SLC25A13: variants seen among roughly 807,000 people sequenced by gnomAD.
The protein encoded by SLC25A13 is electrogenic aspartate/glutamate antiporter SLC25A13, mitochondrial.
In SLC25A13, 70 loss-of-function variants were observed where a neutral mutation model predicts 85.5. The ratio of observed to expected loss-of-function variants is 0.82; its 90% confidence interval spans 0.68 to 1.00. SLC25A13 has a LOEUF of 1.00. Among genes scored for constraint, SLC25A13 ranks in the 50% least tolerant of loss-of-function variants. SLC25A13 has a pLI of 0.00. For missense variants in SLC25A13, 765 were observed against 819.8 expected, an observed-to-expected ratio of 0.93 and a Z score of 0.82; for synonymous variants, 259 against 288.7, an observed-to-expected ratio of 0.90 and a Z score of 1.04.
At chr7:96,220,919 A>G (rs1254341640) in intron 4 of SLC25A13, among the ~76,000 whole-genome samples, 1 of 152,166 alleles carries the variant, frequency 6.6e-6, no homozygotes. Context: ...GTGGCTTCAC[A>G]TGGTTATTTT....
chr7:96,131,745 G>C lies in SLC25A13; in HGVS notation c.1589C>G (p.Ala530Gly). Residue 530 changes from alanine to glycine, a missense_variant and splice_region_variant, in exon 15 of 18, where the codon GCT (alanine) becomes GGT (glycine). Transcript: ENST00000265631. Reference protein sequence around the residue: ...PGSLLLAGAIAGMPAASLVTP... With the variant: ...PGSLLLAGAIGGMPAASLVTP... The stretch of plus-strand genomic sequence containing the variant: ...AGAACTCCATGGGGGACACTCACCA[G>C]CTATGGCACCAGCTAAGAGCAGGCT... The C allele has an allele frequency of 1.2e-6, 2 of 1,614,044 alleles. No individual in the cohort carries two copies. The highest frequency in any genetic ancestry group is 1.7e-6 in the Non-Finnish European group (2 of 1,179,982).
intron 1 of SLC25A13, among the ~76,000 whole-genome samples, chr7:96,315,245 C>G (rs1477475491): frequency 6.6e-6 from 1 of 152,174 alleles, no homozygotes; most frequent in African/African-American, 2.4e-5. Flanking sequence ...AACTTAATCT[C>G]ACTGCATTCC....
At chr7:96,259,586 G>C (rs1397968971) in intron 3 of SLC25A13, among the ~76,000 whole-genome samples, 2 of 152,150 alleles carry the variant, frequency 1.3e-5, no homozygotes, top group African/African-American at 4.8e-5. Context: ...GGAGAAATAG[G>C]AACGCTTTTA....
intron 5 of SLC25A13, among the ~76,000 whole-genome samples, chr7:96,195,642 A>G (rs1424937275): frequency 6.6e-6 from 1 of 152,168 alleles, no homozygotes; most frequent in Non-Finnish European, 1.5e-5. Flanking sequence ...AAGCCCCCAG[A>G]GGAACTAGTC....
At chr7:96,223,362 G>A (rs770725117) in intron 4 of SLC25A13, among the ~76,000 whole-genome samples, 5 of 152,184 alleles carry the variant, frequency 3.3e-5, no homozygotes, top group Non-Finnish European at 7.4e-5. Context: ...AAAAGTCAAA[G>A]GAAGAGAGAA....
intron 1 of SLC25A13, among the ~76,000 whole-genome samples, chr7:96,303,091 G>T (rs1799611566): frequency 6.6e-6 from 1 of 152,066 alleles, no homozygotes; most frequent in African/African-American, 2.4e-5. Flanking sequence ...GCTCCCTCAA[G>T]AAATTACCAT....
chr7:96,169,854 G>A (rs1022187063), intron 13 of SLC25A13, 191 bp downstream of exon 13: 4 of 629,122 alleles, frequency 6.4e-6, no homozygotes, highest in Non-Finnish European at 1.1e-5. Context: ...AGGCAGTAAG[G>A]TCAGAAACAT....
chr7:96,156,032 C>A (rs185738836), intron 13 of SLC25A13, among the ~76,000 whole-genome samples: 121 of 152,290 alleles, frequency 7.9e-4, no homozygotes, highest in African/African-American at 2.7e-3. Context: ...CCTGTTTGAA[C>A]GGAGTAGCTG....
intron 15 of SLC25A13, among the ~76,000 whole-genome samples, chr7:96,126,777 A>G (rs1270834586): frequency 6.6e-6 from 1 of 152,184 alleles, no homozygotes; most frequent in East Asian, 1.9e-4. Flanking sequence ...GCATTTCCTG[A>G]CATTTTAAGG....
intron 5 of SLC25A13, among the ~76,000 whole-genome samples, chr7:96,203,894 A>C (rs1795359366): frequency 6.6e-6 from 1 of 152,208 alleles, no homozygotes; most frequent in African/African-American, 2.4e-5. Flanking sequence ...TGCCATTCAG[A>C]TGCATGGTAA....
In SLC25A13 at chr7:96,193,165, C is replaced by T. The variant is rs554663995; in HGVS notation, c.487G>A (p.Ala163Thr). The T allele has an allele frequency of 5.6e-6, 9 of 1,613,890 alleles. No homozygotes were observed. The highest frequency in any genetic ancestry group is 6.8e-6 in the Non-Finnish European group (8 of 1,179,982). Residue 163 changes from alanine (A) to threonine (T), a missense_variant, in exon 6 of 18, where the codon GCA becomes ACA. Ala to Thr is a moderately conservative substitution (Grantham distance 58). Transcript: ENST00000265631. ...QFLLEIQLEH[A>T]KQAFVQRDNA... The stretch of plus-strand genomic sequence containing the variant: ...TCCCGTTGCACAAAGGCTTGCTTTG[C>T]GTGCTCCAGTTGTATTTCCTACAAA...
chr7:96,216,668 C>T lies in SLC25A13; in HGVS notation c.329-7691G>A, dbSNP rs191063703. Among the ~76,000 whole-genome samples, 142 of 152,194 alleles carry T rather than the reference C, an allele frequency of 9.3e-4. 1 individual carries two copies. Among genetic ancestry groups the T allele is most frequent in the African/African-American group, 3.1e-3 (128 of 41,528 alleles). ...CAGGAACAGAAAACCAAATACTGTA[C>T]GCTCTGACTTTAAGTGGGAGCTAAA... On this transcript the variant is annotated intron_variant, in intron 4 of 17. Transcript: ENST00000265631.
Position 96,191,120 on chromosome 7 carries a change from T to A in SLC25A13, c.743A>T (p.Glu248Val). ...ATATTCTCACTCACCCTTAGTCACT[T>A]CAACATCTTTCCTGGTGCCAGCCAG... ...STLAGTRKDV[E>V]VTKEEFVLAA... Residue 248 changes from glutamate to valine, a missense_variant, in exon 7 of 18, where the codon GAA becomes GTA. Physicochemically the swap from Glu to Val is moderately radical, Grantham distance 121 (BLOSUM62 -2). Coordinates refer to ENST00000265631, the MANE Select transcript of SLC25A13 (RefSeq NM_014251.3). The A allele has an allele frequency of 6.2e-7, 1 of 1,614,100 alleles. No individual in the cohort carries two copies. The highest frequency in any genetic ancestry group is 8.5e-7 in the Non-Finnish European group (1 of 1,180,012).
intron 4 of SLC25A13, among the ~76,000 whole-genome samples, chr7:96,209,385 C>CACACACACAT (rs1554354161): frequency 6.6e-6 from 1 of 151,274 alleles, no homozygotes; most frequent in Non-Finnish European, 1.5e-5. Flanking sequence ...CACACACACA[C>CACACACACAT]GATACAAGCG....
chr7:96,234,155 C>G (rs140637178), intron 4 of SLC25A13, among the ~76,000 whole-genome samples: 121 of 152,344 alleles, frequency 7.9e-4, no homozygotes, highest in African/African-American at 2.9e-3. Context: ...ACTGTCCCAC[C>G]ACTTCCAAGC....
At chr7:96,131,707 T>C in intron 15 of SLC25A13, 36 bp downstream of exon 15, 9 of 1,612,926 alleles carry the variant, frequency 5.6e-6, no homozygotes, top group Non-Finnish European at 7.6e-6. Flanking sequence ...GCAGCAAGGG[T>C]CAGGGAAGTA....
intron 3 of SLC25A13, among the ~76,000 whole-genome samples, chr7:96,259,151 T>A (rs1421774755): frequency 6.6e-6 from 1 of 152,116 alleles, no homozygotes; most frequent in East Asian, 1.9e-4. Context: ...CATAGGCATA[T>A]GCAAAGACTT....
At chr7:96,203,413 C>A (rs1267772835) in intron 5 of SLC25A13, among the ~76,000 whole-genome samples, 1 of 152,074 alleles carries the variant, frequency 6.6e-6, no homozygotes, top group Non-Finnish European at 1.5e-5. Context: ...TAAAAACTGC[C>A]AGAGATTTAG....
intron 4 of SLC25A13, among the ~76,000 whole-genome samples, chr7:96,227,773 C>A (rs1796376455): frequency 6.6e-6 from 1 of 152,120 alleles, no homozygotes; most frequent in South Asian, 2.1e-4. Flanking sequence ...ATAACAAATT[C>A]TAGAAAGATT....
Sources: allele counts gnomAD v4.1 joint callset (sites outside exome capture counted in the v4.1 genomes callset), GRCh38; gene constraint gnomAD v4.1.1; transcripts MANE v1.5; gene names NCBI Gene and HGNC (gene_info 2026-07-23, HGNC 2026-07-21).